ENTPD4: variants seen among roughly 807,000 people sequenced by gnomAD.
The protein encoded by ENTPD4 is ectonucleoside triphosphate diphosphohydrolase 4.
ENTPD4 carries 60 observed loss-of-function variants against 79.1 expected under a neutral mutation model. The observed-to-expected ratio is 0.76, with a 90% CI of 0.62 to 0.94. The LOEUF (loss-of-function observed/expected upper bound fraction) is 0.94, where lower values mean the gene tolerates loss of function less well. Ranked by LOEUF, ENTPD4 falls within the 40% of genes least tolerant of loss-of-function variation. The pLI, the probability that ENTPD4 is intolerant of heterozygous loss-of-function variation, is 0.00. For missense variants in ENTPD4, 772 were observed against 775.1 expected, an observed-to-expected ratio of 1.00 and a Z score of 0.05; for synonymous variants, 276 against 292.0, an observed-to-expected ratio of 0.95 and a Z score of 0.56.
In ENTPD4 at chr8:23,429,768, G is replaced by C; in HGVS notation, c.*3158C>G. ...ATGTTACTGGCCTCAGCCACCAGCA[G>C]CGTCTTCACTCCGCCCAGGTCAGAA... On this transcript the variant is annotated 3_prime_UTR_variant, in exon 13 of 13. Coordinates refer to ENST00000358689, the MANE Select transcript of ENTPD4 (RefSeq NM_004901.5). 2 of 985,454 alleles carry C rather than the reference G, an allele frequency of 2.0e-6. No homozygotes were observed. Among genetic ancestry groups the C allele is most frequent in the Non-Finnish European group, 2.4e-6 (2 of 829,940 alleles). 61.0% of individuals were successfully genotyped at this position (985,454 alleles called of 1,614,324 possible). A position where few individuals can be genotyped will look rare whatever the true frequency, so the allele number is the denominator to read the frequency against.
At chr8:23,441,884 G>A in intron 7 of ENTPD4, 123 bp downstream of exon 7, 2 of 1,119,116 alleles carry the variant, frequency 1.8e-6, no homozygotes, top group Non-Finnish European at 2.7e-6. Context: ...AACTGCAGCT[G>A]CTCTCATTCT....
intron 1 of ENTPD4, among the ~76,000 whole-genome samples, chr8:23,456,994 G>A (rs1333591157): frequency 6.6e-6 from 1 of 152,200 alleles, no homozygotes; most frequent in African/African-American, 2.4e-5. Context: ...TAAGGGTTCT[G>A]GGACACATTC....
At chr8:23,434,606 C>T in intron 11 of ENTPD4, 128 bp from the exon 12 acceptor site, 1 of 1,492,382 alleles carries the variant, frequency 6.7e-7, no homozygotes. Flanking sequence ...GGCCGGCTCT[C>T]CCAAACCAAC....
chr8:23,430,434 C>G lies in ENTPD4; in HGVS notation c.*2492G>C, dbSNP rs539554652. ...ATCTTTTCGTGCCCACAAATGGAAA[C>G]TACATTCCTGATTTAAGAGGATGCT... On this transcript the variant is annotated 3_prime_UTR_variant, in exon 13 of 13. Coordinates refer to ENST00000358689, the MANE Select transcript of ENTPD4 (RefSeq NM_004901.5). The G allele has an allele frequency of 5.9e-5, 58 of 985,414 alleles. No individual in the cohort carries two copies. The African/African-American group carries it at 8.4e-4, about 14-fold the overall frequency. 61.0% of individuals were successfully genotyped at this position (985,414 alleles called of 1,614,324 possible).
chr8:23,449,908 G>A lies in ENTPD4; in HGVS notation c.-8C>T, dbSNP rs779649234. On this transcript the variant is annotated 5_prime_UTR_variant, in exon 2 of 13. Coordinates refer to ENST00000358689, the MANE Select transcript of ENTPD4 (RefSeq NM_004901.5). ...CATCACTTACCTCCCCATACTGAAA[G>A]GTCAGCAACAAGGCAATGCTCTGGG... 9 of 1,613,692 alleles carry A rather than the reference G, an allele frequency of 5.6e-6. No individual in the cohort carries two copies. The African/African-American group carries it at 1.1e-4, about 19-fold the overall frequency.
At chr8:23,445,483 A>G (rs1800749182) in intron 4 of ENTPD4, among the ~76,000 whole-genome samples, 1 of 152,140 alleles carries the variant, frequency 6.6e-6, no homozygotes, top group African/African-American at 2.4e-5. Context: ...ACACTGAACT[A>G]ACATTTCCAT....
chr8:23,441,488 C>G (rs1040222855), intron 8 of ENTPD4, 81 bp downstream of exon 8: 7 of 1,569,656 alleles, frequency 4.5e-6, no homozygotes, highest in Middle Eastern at 1.7e-4. Flanking sequence ...TGTGTTCAGA[C>G]TCAGAAAACA....
chr8:23,435,107 A>C (rs200030799), intron 11 of ENTPD4, among the ~76,000 whole-genome samples: 1 of 152,240 alleles, frequency 6.6e-6, no homozygotes, highest in East Asian at 1.9e-4. Context: ...AAGACTGGAA[A>C]GGGACAGCCT....
intron 1 of ENTPD4, among the ~76,000 whole-genome samples, chr8:23,452,524 T>C (rs905643671): frequency 7.9e-5 from 12 of 152,220 alleles, no homozygotes; most frequent in Non-Finnish European, 1.5e-4. Flanking sequence ...AAATTAAAAA[T>C]TGAGTTCCTC....
At chr8:23,442,138 C>A in intron 6 of ENTPD4, 72 bp from the exon 7 acceptor site, 1 of 1,050,224 alleles carries the variant, frequency 9.5e-7, no homozygotes, top group South Asian at 1.3e-5. Context: ...TCTGCGCAGT[C>A]TGTGCAAACG....
At chr8:23,451,345 T>C (rs117201441) in intron 1 of ENTPD4, among the ~76,000 whole-genome samples, 4,732 of 152,308 alleles carry the variant, frequency 0.031, 114 homozygotes, top group Middle Eastern at 0.048. Flanking sequence ...TACAGATTCC[T>C]TTAATTTCTT....
chr8:23,432,863 G>A lies in ENTPD4; in HGVS notation c.*63C>T, dbSNP rs1800480729. The A allele has an allele frequency of 6.8e-7, 1 of 1,475,576 alleles. No individual in the cohort carries two copies. The highest frequency in any genetic ancestry group is 1.4e-5 in the African/African-American group (1 of 70,176). 91.4% of individuals were successfully genotyped at this position (1,475,576 alleles called of 1,614,324 possible). ...AAAAACAAAACCACAGGAAAATAAA[G>A]AGGAGAAACCCTGAGGCAAAAATGG... On this transcript the variant is annotated 3_prime_UTR_variant, in exon 13 of 13. Transcript: ENST00000358689.
chr8:23,447,100 A>G (rs1045242472), intron 4 of ENTPD4, among the ~76,000 whole-genome samples: 1 of 152,226 alleles, frequency 6.6e-6, no homozygotes, highest in African/African-American at 2.4e-5. Flanking sequence ...GATGATACAG[A>G]AAAAAGAGCA....
intron 1 of ENTPD4, among the ~76,000 whole-genome samples, chr8:23,451,026 T>C (rs1399856353): frequency 1.3e-5 from 2 of 149,874 alleles, no homozygotes; most frequent in Admixed American, 1.3e-4. Flanking sequence ...TCTTTTCTTT[T>C]TTTTTTTTTT....
At chr8:23,455,191 C>T (rs1029662686) in intron 1 of ENTPD4, among the ~76,000 whole-genome samples, 52 of 152,186 alleles carry the variant, frequency 3.4e-4, no homozygotes, top group Admixed American at 3.4e-3. Flanking sequence ...AATGGTTCCT[C>T]TGGTGGAAAA....
intron 7 of ENTPD4, 92 bp downstream of exon 7, chr8:23,441,915 G>T: frequency 1.6e-6 from 2 of 1,238,626 alleles, no homozygotes; most frequent in Non-Finnish European, 2.4e-6. Context: ...GCTTAGGAGT[G>T]TCACAAAGCT....
intron 2 of ENTPD4, among the ~76,000 whole-genome samples, chr8:23,449,344 G>T (rs916757481): frequency 5.3e-5 from 8 of 152,226 alleles, no homozygotes; most frequent in Non-Finnish European, 1.0e-4. Context: ...AGAAAGGCAT[G>T]TCGTAAGCTG....
At chr8:23,450,053 C>T (rs1267930172) in intron 1 of ENTPD4, 56 bp from the exon 2 acceptor site, 12 of 894,390 alleles carry the variant, frequency 1.3e-5, no homozygotes, top group South Asian at 8.5e-5. Context: ...AAAACATCTA[C>T]GTTCTTTAAG....
intron 2 of ENTPD4, 95 bp downstream of exon 2, chr8:23,449,798 C>G: frequency 1.8e-6 from 2 of 1,131,434 alleles, no homozygotes; most frequent in Non-Finnish European, 2.7e-6. Flanking sequence ...CACAACTTCA[C>G]ATTTTTCACT....
Sources: gnomAD v4.1 joint callset for allele counts (sites outside exome capture counted in the v4.1 genomes callset) on GRCh38, gnomAD v4.1.1 for gene constraint, MANE v1.5 for transcripts, NCBI Gene and HGNC (gene_info 2026-07-23, HGNC 2026-07-21) for gene names.